TESK1: variants seen among roughly 807,000 people sequenced by gnomAD.
TESK1 encodes dual specificity testis-specific protein kinase 1.
A neutral mutation model predicts 59.9 loss-of-function variants in TESK1; 18 were observed. The ratio of observed to expected loss-of-function variants is 0.30; its 90% confidence interval spans 0.21 to 0.45. The LOEUF (loss-of-function observed/expected upper bound fraction) is 0.45, where lower values mean the gene tolerates loss of function less well. TESK1 is among the 20% of genes least tolerant of loss of function. The pLI, the probability that TESK1 is intolerant of heterozygous loss-of-function variation, is 1.00. For synonymous variants in TESK1, 341 were observed against 357.4 expected, an observed-to-expected ratio of 0.95 and a Z score of 0.52; for missense variants, 748 against 840.9, an observed-to-expected ratio of 0.89 and a Z score of 1.37.
chr9:35,605,775 G>A lies in TESK1; in HGVS notation c.156G>A (p.Ala52=). ...TCCGCAGCGCCGTGTCTAGCCTGGC[G>A]CGTGTGGACGATTTTCACTGCGCGG... ...RALRSAVSSL[A]RVDDFHCAEK... is the part of the protein sequence containing the mutation. Residue 52 remains alanine (A), a synonymous_variant, in exon 1 of 10, where the codon GCG becomes GCA. Coordinates refer to ENST00000336395, the MANE Select transcript of TESK1 (RefSeq NM_006285.3). 6.2e-7 allele frequency: 1 copy of A among 1,610,708 alleles called. No homozygotes were observed. Among genetic ancestry groups the A allele is most frequent in the South Asian group, 1.1e-5 (1 of 90,736 alleles).
At position 35,609,405 on chromosome 9, in the gene TESK1, A is replaced by G. The variant is rs200528779; in HGVS notation, c.1544A>G (p.Asn515Ser). ...TCCCCTAGATCAGGACCCGTCCTCA[A>G]TAACAATCCCCCAGCTGTGGTGGTG... The part of the protein sequence containing the change: ...PWSPRSGPVL[N>S]NNPPAVVVNS... The change falls in exon 10 of 10, where the codon AAT becomes AGT. Residue 515 changes from asparagine to serine, a missense_variant. By Grantham distance (46) the Asn-to-Ser change is conservative (BLOSUM62 1). Coordinates refer to ENST00000336395, the MANE Select transcript of TESK1 (RefSeq NM_006285.3). This position sits in a 1 kb window ranked among gnomAD's most constrained non-coding sequence, Gnocchi z 6.7. The G allele has an allele frequency of 5.6e-6, 9 of 1,609,112 alleles. No individual in the cohort carries two copies. Among genetic ancestry groups the G allele is most frequent in the Non-Finnish European group, 6.8e-6 (8 of 1,177,476 alleles).
Position 35,607,371 on chromosome 9 carries a change from G to A in TESK1, c.582G>A (p.Val194=). ...AAGATCGAGGCTTCACCGCTGTCGT[G>A]GGTGACTTCGGGCTGGCCGAAAAGA... ...RREDRGFTAV[V]GDFGLAEKIP... The change falls in exon 5 of 10, where the codon GTG becomes GTA. Residue 194 remains valine (V), a synonymous_variant. Coordinates refer to ENST00000336395, the MANE Select transcript of TESK1 (RefSeq NM_006285.3). This position sits in a 1 kb window ranked among gnomAD's most constrained non-coding sequence, Gnocchi z 4.5. 6.2e-7 allele frequency: 1 copy of A among 1,614,148 alleles called. No homozygotes were observed. Among genetic ancestry groups the A allele is most frequent in the South Asian group, 1.1e-5 (1 of 91,080 alleles).
At chr9:35,605,928 A>G in intron 1 of TESK1, 56 bp from the exon 2 acceptor site, 1 of 1,609,038 alleles carries the variant, frequency 6.2e-7, no homozygotes, top group Non-Finnish European at 8.5e-7. Context: ...AAGAGGGTCC[A>G]GACTCCGGCG....
chr9:35,606,713 C>T lies in TESK1; in HGVS notation c.391-124C>T, dbSNP rs546304004. 2.3e-5 allele frequency: 21 copies of T among 910,900 alleles called. No individual in the cohort carries two copies. The African/African-American group carries it at 3.5e-4, about 15-fold the overall frequency. 56.4% of individuals were successfully genotyped at this position (910,900 alleles called of 1,614,324 possible). ...TCCTAGAACATGGATGGGGGGGGTC[C>T]TACAGCACAGTCTTACCCCTATGAC... On this transcript the variant is annotated intron_variant, in intron 3 of 9. Transcript: ENST00000336395.
chr9:35,607,650 G>T lies in TESK1; in HGVS notation c.689G>T (p.Arg230Leu). ...SPYWMAPEVL[R>L]GELYDEKADV... ...TACTGGATGGCTCCAGAGGTGTTACGGGGTGAGCTGTATGATGAGAAGGTG... is the reference window on the plus strand; with the variant it reads ...TACTGGATGGCTCCAGAGGTGTTACTGGGTGAGCTGTATGATGAGAAGGTG... Residue 230 changes from arginine to leucine, a missense_variant, in exon 6 of 10, where the codon CGG becomes CTG. This residue lies in a region of TESK1 where 168 missense variants were observed against 257.4 expected (regional missense o/e 0.65). Transcript: ENST00000336395. The surrounding 1 kb of genome is among the most constrained non-coding windows in gnomAD (Gnocchi z 4.5). 6.2e-7 allele frequency: 1 copy of T among 1,613,906 alleles called. No individual in the cohort carries two copies. The highest frequency in any genetic ancestry group is 8.5e-7 in the Non-Finnish European group (1 of 1,179,892).
intron 9 of TESK1, 97 bp downstream of exon 9, chr9:35,608,606 T>C (rs1822896905): frequency 8.4e-7 from 1 of 1,196,944 alleles, no homozygotes; most frequent in Admixed American, 2.2e-5. Flanking sequence ...TATTTATTAG[T>C]TGAAAAGGCT....
Position 35,607,252 on chromosome 9 carries a change from C to A in TESK1, c.538-75C>A. ...TTGGAGTTATGCTGGAGTGACAGGGCTTTGGGTTATACATTGGGAGGCCAG... is the reference window on the plus strand; with the variant it reads ...TTGGAGTTATGCTGGAGTGACAGGGATTTGGGTTATACATTGGGAGGCCAG... On this transcript the variant is annotated intron_variant, in intron 4 of 9. Coordinates refer to ENST00000336395, the MANE Select transcript of TESK1 (RefSeq NM_006285.3). The surrounding 1 kb of genome is among the most constrained non-coding windows in gnomAD (Gnocchi z 4.5). 1 of 1,567,458 alleles carries A rather than the reference C, an allele frequency of 6.4e-7. No homozygotes were observed.
rs549539599 is a variant in TESK1 at position 35,609,109 on chromosome 9, G to C, written c.1248G>C (p.Leu416=). ...CATCACCATTCCCATCCACTCAGCTGCCCTTGGTGACCACTCCGGAGACCC... is the reference window on the plus strand; with the variant it reads ...CATCACCATTCCCATCCACTCAGCTCCCCTTGGTGACCACTCCGGAGACCC... ...VPPSPFPSTQ[L]PLVTTPETLV... Residue 416 remains leucine (L), a synonymous_variant, in exon 10 of 10, where the codon CTG becomes CTC. Transcript: ENST00000336395. The surrounding 1 kb of genome is among the most constrained non-coding windows in gnomAD (Gnocchi z 6.7). 1 of 1,614,134 alleles carries C rather than the reference G, an allele frequency of 6.2e-7. No individual in the cohort carries two copies. The highest frequency in any genetic ancestry group is 1.7e-5 in the Admixed American group (1 of 60,028).
rs919989541 is a variant in TESK1 at position 35,607,767 on chromosome 9, C to T, written c.711+95C>T. On this transcript the variant is annotated intron_variant, in intron 6 of 9. Transcript: ENST00000336395. This position sits in a 1 kb window ranked among gnomAD's most constrained non-coding sequence, Gnocchi z 4.5. ...CATCCCCAAAACAACCCTACCAGAT[C>T]TTCAGGAGTCCCCAAGATCCCTTTG... is the stretch of plus-strand genomic sequence containing the variant. 4.6e-6 allele frequency: 6 copies of T among 1,302,818 alleles called. No homozygotes were observed. The highest frequency in any genetic ancestry group is 3.7e-4 in the Middle Eastern group (2 of 5,372). 80.7% of individuals were successfully genotyped at this position (1,302,818 alleles called of 1,614,324 possible). A position where few individuals can be genotyped will look rare whatever the true frequency, so the allele number is the denominator to read the frequency against.
rs1374768400 is a variant in TESK1, at chr9:35,609,168, GCTCACTACC to G, written c.1312_1320del (p.Leu438_Ser440del). 5 of 1,613,306 alleles carry G rather than the reference GCTCACTACC, an allele frequency of 3.1e-6. No individual in the cohort carries two copies. Among genetic ancestry groups the G allele is most frequent in the Non-Finnish European group, 4.2e-6 (5 of 1,180,000 alleles). ...CCTGGGACACCTGCCCGCCGCTGCC[GCTCACTACC>G]CTCATCCCCCGAGCTCCCCCGCCGT... On this transcript the variant is annotated inframe_deletion, in exon 10 of 10. Coordinates refer to ENST00000336395, the MANE Select transcript of TESK1 (RefSeq NM_006285.3). The surrounding 1 kb of genome is among the most constrained non-coding windows in gnomAD (Gnocchi z 6.7).
At chr9:35,608,362 C>T (rs1192163443) in intron 8 of TESK1, 33 bp from the exon 9 acceptor site, 1 of 1,612,004 alleles carries the variant, frequency 6.2e-7, no homozygotes, top group Non-Finnish European at 8.5e-7. Context: ...TTTCGGAGCA[C>T]TGAGTGAAGC....
Position 35,606,927 on chromosome 9 carries a change from C to G in TESK1, c.481C>G (p.Arg161Gly). The G allele has an allele frequency of 6.2e-7, 1 of 1,613,470 alleles. No homozygotes were observed. The highest frequency in any genetic ancestry group is 8.5e-7 in the Non-Finnish European group (1 of 1,179,668). The part of the protein sequence containing the change: ...VRLHLALDIA[R>G]GLRYLHSKGV... ...GCTCCACCTGGCCCTGGACATTGCC[C>G]GAGGCCTGCGGTACCTGCACTCCAA... The change falls in exon 4 of 10, where the codon CGA becomes GGA. Residue 161 changes from arginine to glycine, a missense_variant. Around this residue, in one of 3 missense-constraint regions of TESK1, gnomAD observed 168 missense variants for 257.4 expected, o/e 0.65. Transcript: ENST00000336395.
At chr9:35,608,279 C>T in intron 8 of TESK1, 30 bp downstream of exon 8, 1 of 1,612,084 alleles carries the variant, frequency 6.2e-7, no homozygotes. Flanking sequence ...TCCTGCCCCA[C>T]CCTGCCCCCA....
chr9:35,607,612 G>C lies in TESK1; in HGVS notation c.651G>C (p.Val217=), dbSNP rs1458920895. The C allele has an allele frequency of 6.2e-7, 1 of 1,613,884 alleles. No homozygotes were observed. The highest frequency in any genetic ancestry group is 2.2e-5 in the East Asian group (1 of 44,882). Residue 217 remains valine, a synonymous_variant, in exon 6 of 10, where the codon GTG becomes GTC. Coordinates refer to ENST00000336395, the MANE Select transcript of TESK1 (RefSeq NM_006285.3). The surrounding 1 kb of genome is among the most constrained non-coding windows in gnomAD (Gnocchi z 4.5). ...GGGCAAGGAAGGAGCCATTGGCCGT[G>C]GTGGGCTCCCCATACTGGATGGCTC... The part of the protein sequence containing the change: ...REGARKEPLA[V]VGSPYWMAPE...
In TESK1 at chr9:35,609,207, A is replaced by G. The variant is rs202218205; in HGVS notation, c.1346A>G (p.Glu449Gly). The change falls in exon 10 of 10, where the codon GAG (glutamate) becomes GGG (glycine). Residue 449 changes from glutamate to glycine, a missense_variant. Coordinates refer to ENST00000336395, the MANE Select transcript of TESK1 (RefSeq NM_006285.3). The surrounding 1 kb of genome is among the most constrained non-coding windows in gnomAD (Gnocchi z 6.7). ...TCCCCCGAGCTCCCCCGCCGTATGG[A>G]GACAGCACTGCCAGGTCCTGGCCCT... Reference protein sequence around the residue: ...PSSPELPRRMETALPGPGPPA... With the variant: ...PSSPELPRRMGTALPGPGPPA... 3.7e-6 allele frequency: 6 copies of G among 1,613,910 alleles called. No individual in the cohort carries two copies. The African/African-American group carries it at 8.0e-5, about 22-fold the overall frequency.
chr9:35,606,335 G>A lies in TESK1; in HGVS notation c.390+50G>A, dbSNP rs762919166. On this transcript the variant is annotated intron_variant, in intron 3 of 9. Transcript: ENST00000336395. ...ATCCCCACCCCCCTTCACCCCCAAGGATAAAGGGAGTCAACAGGCCTGGTG... is the reference window on the plus strand; with the variant it reads ...ATCCCCACCCCCCTTCACCCCCAAGAATAAAGGGAGTCAACAGGCCTGGTG... 7 of 1,607,530 alleles carry A rather than the reference G, an allele frequency of 4.4e-6. No individual in the cohort carries two copies. In the South Asian group the frequency reaches 6.6e-5, roughly 15 times the overall value.
chr9:35,609,318 T>C lies in TESK1; in HGVS notation c.1457T>C (p.Leu486Pro). The change falls in exon 10 of 10, where the codon CTG (leucine) becomes CCG (proline). Residue 486 changes from leucine (L) to proline (P), a missense_variant. Coordinates refer to ENST00000336395, the MANE Select transcript of TESK1 (RefSeq NM_006285.3). This position sits in a 1 kb window ranked among gnomAD's most constrained non-coding sequence, Gnocchi z 6.7. Reference protein sequence around the residue: ...EPEPPGPAPQLPLAVATDNFI... With the variant: ...EPEPPGPAPQPPLAVATDNFI... Reference sequence around the variant, plus strand: ...GAACCTCCAGGGCCAGCGCCCCAGCTGCCTCTGGCTGTGGCCACAGACAAC... The same window carrying C: ...GAACCTCCAGGGCCAGCGCCCCAGCCGCCTCTGGCTGTGGCCACAGACAAC... The C allele has an allele frequency of 1.2e-6, 2 of 1,613,802 alleles. No homozygotes were observed. The highest frequency in any genetic ancestry group is 1.7e-6 in the Non-Finnish European group (2 of 1,179,886).
chr9:35,609,233 C>T lies in TESK1; in HGVS notation c.1372C>T (p.Pro458Ser), dbSNP rs984572557. 6.2e-7 allele frequency: 1 copy of T among 1,614,116 alleles called. No homozygotes were observed. Residue 458 changes from proline to serine, a missense_variant, in exon 10 of 10, where the codon CCC becomes TCC. By Grantham distance (74) the Pro-to-Ser change is moderately conservative. Transcript: ENST00000336395. This position sits in a 1 kb window ranked among gnomAD's most constrained non-coding sequence, Gnocchi z 6.7. The part of the protein sequence containing the change: ...METALPGPGP[P>S]AVGPSAEEKM... ...GACAGCACTGCCAGGTCCTGGCCCTCCCGCTGTGGGCCCCTCGGCTGAAGA... is the reference window on the plus strand; with the variant it reads ...GACAGCACTGCCAGGTCCTGGCCCTTCCGCTGTGGGCCCCTCGGCTGAAGA...
rs749543493 is a variant in TESK1, at chr9:35,609,293, G to A, written c.1432G>A (p.Glu478Lys). 6.2e-7 allele frequency: 1 copy of A among 1,613,992 alleles called. No homozygotes were observed. The highest frequency in any genetic ancestry group is 1.3e-5 in the African/African-American group (1 of 75,058). The change falls in exon 10 of 10, where the codon GAA becomes AAA. Residue 478 changes from glutamate (E) to lysine (K), a missense_variant. Glu to Lys is a moderately conservative substitution (Grantham distance 56). Coordinates refer to ENST00000336395, the MANE Select transcript of TESK1 (RefSeq NM_006285.3). The surrounding 1 kb of genome is among the most constrained non-coding windows in gnomAD (Gnocchi z 6.7). ...MECEGSSPEP[E>K]PPGPAPQLPL... Reference sequence around the variant, plus strand: ...GTGCGAGGGCAGCAGCCCTGAGCCGGAACCTCCAGGGCCAGCGCCCCAGCT... The same window carrying A: ...GTGCGAGGGCAGCAGCCCTGAGCCGAAACCTCCAGGGCCAGCGCCCCAGCT...
Sources: gnomAD v4.1 joint callset for allele counts on GRCh38, gnomAD v4.1.1 for gene constraint, gnomAD v4.1.1 regional missense constraint, Gnocchi (gnomAD v3.1) non-coding constraint, MANE v1.5 for transcripts, NCBI Gene and HGNC (gene_info 2026-07-23, HGNC 2026-07-21) for gene names.